Variants in PAX3 observed in about 807,000 individuals in gnomAD.
The protein encoded by PAX3 is paired box protein Pax-3.
Under a neutral mutation model 51.6 loss-of-function variants are expected in PAX3, and 14 were observed. The ratio of observed to expected loss-of-function variants is 0.27; its 90% confidence interval spans 0.18 to 0.42. PAX3 has a LOEUF of 0.42. Among genes scored for constraint, PAX3 ranks in the 10% least tolerant of loss-of-function variants. PAX3 has a pLI of 1.00. For synonymous variants in PAX3, 280 were observed against 253.4 expected (o/e 1.11, Z -1.00); for missense variants, 540 against 642.8 (o/e 0.84, Z 1.73).
At chr2:222,239,260 C>A (rs1488264828) in intron 4 of PAX3, among the ~76,000 whole-genome samples, 1 of 152,004 alleles carries the variant, frequency 6.6e-6, no homozygotes, top group Non-Finnish European at 1.5e-5. Context: ...AGGGTTCTGA[C>A]ACCTGCCTGG....
At chr2:222,253,535 A>C (rs1693518055) in intron 4 of PAX3, among the ~76,000 whole-genome samples, 1 of 152,218 alleles carries the variant, frequency 6.6e-6, no homozygotes, top group African/African-American at 2.4e-5. Context: ...AGTCCAGAGA[A>C]TAGGACACAA....
chr2:222,282,060 A>T lies in PAX3; in HGVS notation c.586+12107T>A, dbSNP rs1486385246. On this transcript the variant is annotated intron_variant, in intron 4 of 8. Transcript: ENST00000392070. ...GTTTTTGGTTTTTTCTTATTTTTTTAAAACCAAATCAAGATTTTGATTTCC... is the reference window on the plus strand; with the variant it reads ...GTTTTTGGTTTTTTCTTATTTTTTTTAAACCAAATCAAGATTTTGATTTCC... Among the ~76,000 whole-genome samples, 45 of 152,246 alleles carry T rather than the reference A, an allele frequency of 3.0e-4. 1 individual carries two copies. Among genetic ancestry groups the T allele is most frequent in the Admixed American group, 2.9e-3 (45 of 15,290 alleles).
At chr2:222,202,229 G>T in intron 7 of PAX3, 39 bp from the exon 8 acceptor site, 1 of 1,391,360 alleles carries the variant, frequency 7.2e-7, no homozygotes, top group Non-Finnish European at 1.0e-6. Context: ...TTAAAATGCA[G>T]AGAGATCCAG....
intron 4 of PAX3, among the ~76,000 whole-genome samples, chr2:222,283,077 G>A (rs944719075): frequency 2.2e-4 from 34 of 152,188 alleles, no homozygotes; most frequent in African/African-American, 8.2e-4. Flanking sequence ...CATTCCTTTT[G>A]TCCTTACCAG....
At chr2:222,210,389 C>G (rs1244245794) in intron 7 of PAX3, among the ~76,000 whole-genome samples, 1 of 152,156 alleles carries the variant, frequency 6.6e-6, no homozygotes, top group Non-Finnish European at 1.5e-5. Flanking sequence ...TCAGATTCCC[C>G]TGTCTTTGAG....
intron 4 of PAX3, chr2:222,242,447 T>C (rs12464919): frequency 0.55 from 82,855 of 151,912 alleles, 23,069 homozygotes; most frequent in East Asian, 0.83. Flanking sequence ...CTTTCACCTT[T>C]AACAAAACCC....
At chr2:222,274,423 G>T (rs1414202507) in intron 4 of PAX3, among the ~76,000 whole-genome samples, 1 of 151,716 alleles carries the variant, frequency 6.6e-6, no homozygotes, top group African/African-American at 2.4e-5. Flanking sequence ...TCTTTTAATA[G>T]AGAATGGAAA....
intron 4 of PAX3, among the ~76,000 whole-genome samples, chr2:222,240,815 A>G (rs1329720944): frequency 6.6e-6 from 1 of 152,214 alleles, no homozygotes; most frequent in Non-Finnish European, 1.5e-5. Context: ...CACGAATGAC[A>G]TCGCCCTTTC....
intron 3 of PAX3, among the ~76,000 whole-genome samples, chr2:222,294,525 G>A (rs1283032512): frequency 1.3e-5 from 2 of 152,036 alleles, no homozygotes; most frequent in African/African-American, 2.4e-5. Context: ...TCTCGGTACT[G>A]AAAGACGGAG....
At chr2:222,219,669 C>T (rs927455666) in intron 7 of PAX3, among the ~76,000 whole-genome samples, 4 of 152,182 alleles carry the variant, frequency 2.6e-5, no homozygotes, top group Non-Finnish European at 5.9e-5. Flanking sequence ...GACTTGTTTG[C>T]TTCCTCTCTG....
In PAX3 at chr2:222,201,691, CT is replaced by C. The variant is rs937767149; in HGVS notation, c.1421-250del. ...AGGGATTATTTCATTTTGGCCAACC[CT>C]TGTGTTTTACCTAGTGGCAATCAGG... On this transcript the variant is annotated intron_variant, in intron 8 of 8. Coordinates refer to ENST00000392070, the MANE Select transcript of PAX3 (RefSeq NM_181458.4). 24 of 1,447,486 alleles carry C rather than the reference CT, an allele frequency of 1.7e-5. No individual in the cohort carries two copies. The African/African-American group carries it at 2.9e-4, about 17-fold the overall frequency. 89.7% of individuals were successfully genotyped at this position (1,447,486 alleles called of 1,614,324 possible). A position where few individuals can be genotyped will look rare whatever the true frequency, so the allele number is the denominator to read the frequency against.
chr2:222,239,822 CA>C (rs76222306), intron 4 of PAX3, among the ~76,000 whole-genome samples: 19,208 of 133,396 alleles, frequency 0.14, 1,299 homozygotes, highest in African/African-American at 0.2. Context: ...TTAGCAAGTG[CA>C]AAAAAAAAAA....
At chr2:222,215,679 G>C (rs1691926919) in intron 7 of PAX3, among the ~76,000 whole-genome samples, 1 of 152,008 alleles carries the variant, frequency 6.6e-6, no homozygotes, top group Admixed American at 6.6e-5. Flanking sequence ...GTACTTCCTC[G>C]GTACTCCATA....
Position 222,201,924 on chromosome 2 carries a change from CT to C in PAX3, c.1420+19del. ...TCTCCCTTCCAGGAGAAATTGCCCC[CT>C]AAAAAGTCCAAGGCTTACTTTGTCC... is the stretch of plus-strand genomic sequence containing the variant. On this transcript the variant is annotated intron_variant, in intron 8 of 8. Transcript: ENST00000392070. 6.2e-7 allele frequency: 1 copy of C among 1,614,022 alleles called. No individual in the cohort carries two copies.
At chr2:222,213,078 A>G (rs527834003) in intron 7 of PAX3, among the ~76,000 whole-genome samples, 4 of 152,316 alleles carry the variant, frequency 2.6e-5, no homozygotes, top group African/African-American at 9.6e-5. Flanking sequence ...GGCAGACACA[A>G]AAATAATTAA....
intron 4 of PAX3, among the ~76,000 whole-genome samples, chr2:222,290,115 C>T (rs568208188): frequency 1.1e-4 from 17 of 152,298 alleles, no homozygotes; most frequent in African/African-American, 3.8e-4. Flanking sequence ...AAAGAAACGG[C>T]CCTTCGTTTT....
intron 4 of PAX3, among the ~76,000 whole-genome samples, chr2:222,277,461 C>T (rs934875100): frequency 2.6e-5 from 4 of 152,188 alleles, no homozygotes; most frequent in Admixed American, 1.3e-4. Flanking sequence ...TCTAGACGCT[C>T]ATACTCCCTG....
At position 222,253,471 on chromosome 2, in the gene PAX3, T is replaced by G. The variant is rs1290594401; in HGVS notation, c.587-21188A>C. Among the ~76,000 whole-genome samples the G allele has an allele frequency of 2.0e-5, 3 of 151,742 alleles. No individual in the cohort carries two copies. In the East Asian group the frequency reaches 5.9e-4, roughly 30 times the overall value. ...TGCAAACTAAGACTCTGAACAAACC[T>G]AGGTGATGCACCACAGAAATAACAG... On this transcript the variant is annotated intron_variant, in intron 4 of 8. Transcript: ENST00000392070.
intron 4 of PAX3, among the ~76,000 whole-genome samples, chr2:222,281,645 A>G (rs1694650977): frequency 6.6e-6 from 1 of 152,254 alleles, no homozygotes; most frequent in South Asian, 2.1e-4. Context: ...AAAATTTTCC[A>G]TGTTGATATT....
Sources: allele counts gnomAD v4.1 joint callset (sites outside exome capture counted in the v4.1 genomes callset), GRCh38; gene constraint gnomAD v4.1.1; transcripts MANE v1.5; gene names NCBI Gene and HGNC (gene_info 2026-07-23, HGNC 2026-07-21).